Variants in SEPTIN14 observed in about 807,000 individuals in gnomAD.
The protein encoded by SEPTIN14 is septin 14.
SEPTIN14 carries 40 observed loss-of-function variants against 53.6 expected under a neutral mutation model. The ratio of observed to expected loss-of-function variants is 0.75; its 90% CI spans 0.58 to 0.97. The LOEUF (loss-of-function observed/expected upper bound fraction) is 0.97. Ranked by LOEUF, SEPTIN14 falls within the 50% of genes least tolerant of loss-of-function variation. The pLI is 0.00. For missense variants in SEPTIN14, 471 were observed against 508.2 expected, an observed-to-expected ratio of 0.93 and a Z score of 0.70; for synonymous variants, 138 against 166.8, an observed-to-expected ratio of 0.83 and a Z score of 1.33.
chr7:55,805,386 G>C lies in SEPTIN14; in HGVS notation c.991C>G (p.Gln331Glu). 1 of 1,572,172 alleles carries C rather than the reference G, an allele frequency of 6.4e-7. No homozygotes were observed. Among genetic ancestry groups the C allele is most frequent in the Non-Finnish European group, 8.6e-7 (1 of 1,157,428 alleles). ...VGPNNQPVSF[Q>E]EIFEAKRQEF... ...TGTCTTTTGGCTTCAAAGATTTCTT[G>C]AAAACTAAAGAGAAATGTTTTCTTA... The change falls in exon 9 of 10, where the codon CAA becomes GAA. Residue 331 changes from glutamine to glutamate, a missense_variant. Gln to Glu is a conservative substitution (Grantham distance 29, BLOSUM62 2). Transcript: ENST00000388975.
rs535769948 is a variant in SEPTIN14, at chr7:55,848,701, G to A, written c.55-2064C>T. Among the ~76,000 whole-genome samples, 599 of 150,278 alleles carry A rather than the reference G, an allele frequency of 4.0e-3. 9 individuals carry two copies. Among genetic ancestry groups the A allele is most frequent in the African/African-American group, 6.9e-3 (282 of 40,884 alleles). On this transcript the variant is annotated intron_variant, in intron 2 of 9. Coordinates refer to ENST00000388975, the MANE Select transcript of SEPTIN14 (RefSeq NM_207366.3). ...TGGCTCACTGCAAGCTCCGCTTCCC[G>A]GGTTCACGCCATTCTCCTGCCTCAG...
At chr7:55,818,247 G>A (rs1788828776) in intron 7 of SEPTIN14, among the ~76,000 whole-genome samples, 1 of 151,996 alleles carries the variant, frequency 6.6e-6, no homozygotes, top group African/African-American at 2.4e-5. Context: ...CGAGGCAGGT[G>A]GATCACCGGA....
At chr7:55,810,263 A>C (rs555153489) in intron 7 of SEPTIN14, among the ~76,000 whole-genome samples, 8 of 151,968 alleles carry the variant, frequency 5.3e-5, no homozygotes, top group African/African-American at 1.9e-4. Flanking sequence ...TCTTCTTTTG[A>C]GAAATGCCTG....
intron 9 of SEPTIN14, chr7:55,798,203 A>T (rs73352571): frequency 0.16 from 42,250 of 261,478 alleles, 4,864 homozygotes; most frequent in East Asian, 0.43. Flanking sequence ...AACCTGCCAG[A>T]CACTCAGTGG....
intron 6 of SEPTIN14, among the ~76,000 whole-genome samples, chr7:55,825,873 CG>C (rs1390076426): frequency 6.6e-6 from 1 of 151,942 alleles, no homozygotes; most frequent in African/African-American, 2.4e-5. Flanking sequence ...GAGGCCGAGG[CG>C]GGTGGATCAC....
chr7:55,815,079 T>A (rs1236685001), intron 7 of SEPTIN14, among the ~76,000 whole-genome samples: 5 of 152,124 alleles, frequency 3.3e-5, no homozygotes, highest in African/African-American at 1.2e-4. Flanking sequence ...TTGTGAAAAC[T>A]GGATATCCAT....
At chr7:55,852,692 T>A (rs1789540605) in intron 2 of SEPTIN14, among the ~76,000 whole-genome samples, 1 of 152,012 alleles carries the variant, frequency 6.6e-6, no homozygotes, top group South Asian at 2.1e-4. Context: ...ACAAATGGGA[T>A]CATATGAAAT....
chr7:55,860,580 G>A (rs983289677), intron 2 of SEPTIN14, among the ~76,000 whole-genome samples: 31 of 152,120 alleles, frequency 2.0e-4, no homozygotes, highest in African/African-American at 7.2e-4. Context: ...CCAGGTAATA[G>A]ATACATGAAG....
At chr7:55,820,712 G>A (rs1198874237) in intron 6 of SEPTIN14, among the ~76,000 whole-genome samples, 2 of 152,092 alleles carry the variant, frequency 1.3e-5, no homozygotes, top group African/African-American at 4.8e-5. Context: ...GGCCGAGGTG[G>A]GCGGATCACC....
chr7:55,831,874 C>T (rs1789113104), intron 6 of SEPTIN14, among the ~76,000 whole-genome samples: 1 of 152,094 alleles, frequency 6.6e-6, no homozygotes, highest in South Asian at 2.1e-4. Flanking sequence ...AAAAATTGCT[C>T]AACATCACCA....
At chr7:55,844,856 G>A in intron 3 of SEPTIN14, 138 bp from the exon 4 acceptor site, 2 of 420,510 alleles carry the variant, frequency 4.8e-6, no homozygotes, top group Non-Finnish European at 8.4e-6. Flanking sequence ...GGCTACCAGA[G>A]GCTGGGGGAG....
intron 9 of SEPTIN14, among the ~76,000 whole-genome samples, chr7:55,803,998 C>T (rs1280559395): frequency 3.3e-5 from 5 of 150,078 alleles, no homozygotes; most frequent in Middle Eastern, 3.4e-3. Context: ...TAGTTGGGCA[C>T]GGTGGTGAGC....
In SEPTIN14 at chr7:55,796,060, A is replaced by G. The variant is rs754850183; in HGVS notation, c.1152T>C (p.Ile384=). The change falls in exon 10 of 10, where the codon ATT becomes ATC. Residue 384 remains isoleucine (I), a synonymous_variant. Transcript: ENST00000388975. ...LQDKFEHLKM[I]QQEEIRKLEE... ...CGAGCTTCCTTATCTCCTCCTGTTG[A>G]ATCATTTTAAGATGCTCGAACTTGT... 4 of 1,510,808 alleles carry G rather than the reference A, an allele frequency of 2.6e-6. No individual in the cohort carries two copies. Among genetic ancestry groups the G allele is most frequent in the Non-Finnish European group, 3.6e-6 (4 of 1,102,802 alleles). 93.6% of individuals were successfully genotyped at this position (1,510,808 alleles called of 1,614,324 possible).
intron 7 of SEPTIN14, among the ~76,000 whole-genome samples, chr7:55,808,223 C>A (rs2115967946): frequency 6.6e-6 from 1 of 152,234 alleles, no homozygotes; most frequent in Admixed American, 6.5e-5. Flanking sequence ...CAAACAAACA[C>A]AAGACATTCT....
chr7:55,851,780 G>T (rs906855825), intron 2 of SEPTIN14, among the ~76,000 whole-genome samples: 8 of 152,018 alleles, frequency 5.3e-5, no homozygotes, highest in Non-Finnish European at 1.0e-4. Context: ...AGGCCGAGGT[G>T]GGTGGATCAT....
intron 7 of SEPTIN14, among the ~76,000 whole-genome samples, chr7:55,812,938 T>C (rs1273766492): frequency 3.3e-5 from 5 of 150,208 alleles, no homozygotes; most frequent in Non-Finnish European, 3.0e-5. Context: ...ATTCTGCTAG[T>C]GCCCACGACA....
At chr7:55,820,125 G>A (rs1329187806) in intron 6 of SEPTIN14, among the ~76,000 whole-genome samples, 4 of 151,892 alleles carry the variant, frequency 2.6e-5, no homozygotes, top group African/African-American at 4.8e-5. Flanking sequence ...TCAGCCTCCC[G>A]AGTAGCTGGG....
At chr7:55,812,085 G>C (rs756142088) in intron 7 of SEPTIN14, among the ~76,000 whole-genome samples, 3 of 152,158 alleles carry the variant, frequency 2.0e-5, no homozygotes, top group Non-Finnish European at 1.5e-5. Flanking sequence ...ATGAGCCACC[G>C]TGTCTGGCCA....
intron 9 of SEPTIN14, among the ~76,000 whole-genome samples, chr7:55,804,267 G>GTT (rs778497124): frequency 0.013 from 1,721 of 129,072 alleles, 27 homozygotes; most frequent in African/African-American, 0.037. Flanking sequence ...GGTTTTTTTT[G>GTT]TTTTTTTTTT....
Sources: gnomAD v4.1 joint callset for allele counts (sites outside exome capture counted in the v4.1 genomes callset) on GRCh38, gnomAD v4.1.1 for gene constraint, MANE v1.5 for transcripts, NCBI Gene and HGNC (gene_info 2026-07-23, HGNC 2026-07-21) for gene names.